The following ZFP14 variants were observed in gnomAD, a reference collection of about 807,000 sequenced individuals.
ZFP14 encodes the protein zinc finger protein 14 homolog.
In ZFP14, 22 loss-of-function variants were observed where a neutral mutation model predicts 54.5. The observed-to-expected ratio is 0.40, with a 90% CI of 0.29 to 0.58. The LOEUF is 0.58. ZFP14 is among the 20% of genes least tolerant of loss of function. The pLI, the probability that ZFP14 is intolerant of heterozygous loss-of-function variation, is 0.39. For missense variants in ZFP14, 470 were observed against 637.8 expected, an observed-to-expected ratio of 0.74 and a Z score of 2.83; for synonymous variants, 159 against 204.0, an observed-to-expected ratio of 0.78 and a Z score of 1.88.
chr19:36,368,399 C>T (rs1292354468), intron 1 of ZFP14, among the ~76,000 whole-genome samples: 6 of 152,054 alleles, frequency 3.9e-5, no homozygotes, highest in East Asian at 3.9e-4. Flanking sequence ...ACCCAGGAGG[C>T]GGAGGTTGCG....
At chr19:36,368,136 C>A (rs2031823669) in intron 1 of ZFP14, among the ~76,000 whole-genome samples, 165 bp from the exon 2 acceptor site, 1 of 152,186 alleles carries the variant, frequency 6.6e-6, no homozygotes, top group Non-Finnish European at 1.5e-5. Context: ...CTATCCTATA[C>A]CCACATATAA....
intron 4 of ZFP14, among the ~76,000 whole-genome samples, chr19:36,347,396 G>A (rs1051898672): frequency 1.3e-5 from 2 of 152,028 alleles, no homozygotes; most frequent in East Asian, 3.9e-4. Context: ...GATTGCTTGA[G>A]GTCAGGAGTT....
chr19:36,372,128 G>A (rs1031539832), intron 1 of ZFP14, among the ~76,000 whole-genome samples: 4 of 150,938 alleles, frequency 2.7e-5, no homozygotes, highest in Admixed American at 2.0e-4. Flanking sequence ...AGGAAGGAAG[G>A]AAGGAAGGAA....
intron 3 of ZFP14, among the ~76,000 whole-genome samples, chr19:36,361,021 T>C (rs2031701191): frequency 6.6e-6 from 1 of 152,198 alleles, no homozygotes; most frequent in South Asian, 2.1e-4. Flanking sequence ...AGCCCAAATA[T>C]ATGGTGATGT....
Position 36,355,775 on chromosome 19 carries a change from C to G in ZFP14, c.235+4660G>C, listed in dbSNP as rs1248285955. On this transcript the variant is annotated intron_variant, in intron 4 of 4. Coordinates refer to ENST00000270001, the MANE Select transcript of ZFP14 (RefSeq NM_020917.3). Reference sequence around the variant, plus strand: ...CAACAAGAAGGCAGCTGCCTGCAAGCCAGGAAGAGAGACTTCACCAGAACC... The same window carrying G: ...CAACAAGAAGGCAGCTGCCTGCAAGGCAGGAAGAGAGACTTCACCAGAACC... Among the ~76,000 whole-genome samples the G allele has an allele frequency of 2.8e-5, 4 of 142,320 alleles. 1 individual carries two copies. The highest frequency in any genetic ancestry group is 4.7e-5 in the Non-Finnish European group (3 of 64,238). 93.4% of individuals were successfully genotyped at this position (142,320 alleles called of 152,430 possible).
At chr19:36,344,117 C>G (rs927395031) in intron 4 of ZFP14, among the ~76,000 whole-genome samples, 26 of 152,192 alleles carry the variant, frequency 1.7e-4, no homozygotes, top group African/African-American at 6.3e-4. Flanking sequence ...ATTCTCCTGC[C>G]TCAACCTCCC....
At chr19:36,367,135 T>TA (rs1441443309) in intron 2 of ZFP14, among the ~76,000 whole-genome samples, 2 of 149,480 alleles carry the variant, frequency 1.3e-5, no homozygotes, top group Admixed American at 1.3e-4. Flanking sequence ...GCCTGGGTGA[T>TA]AAGAGTGAAA....
At chr19:36,347,259 T>C (rs2145544048) in intron 4 of ZFP14, among the ~76,000 whole-genome samples, 1 of 152,222 alleles carries the variant, frequency 6.6e-6, no homozygotes, top group East Asian at 1.9e-4. Flanking sequence ...ACAGAATATT[T>C]TGAAAATTAT....
At chr19:36,368,209 C>T (rs1315650927) in intron 1 of ZFP14, among the ~76,000 whole-genome samples, 2 of 152,162 alleles carry the variant, frequency 1.3e-5, no homozygotes, top group East Asian at 3.8e-4. Context: ...TGGCTCTCGC[C>T]TGTAATCTCA....
intron 3 of ZFP14, among the ~76,000 whole-genome samples, chr19:36,361,755 T>C (rs1218829833): frequency 6.6e-6 from 1 of 152,226 alleles, no homozygotes; most frequent in Non-Finnish European, 1.5e-5. Flanking sequence ...ACAGATTCCT[T>C]TGATTTTTAG....
intron 1 of ZFP14, 182 bp downstream of exon 1, chr19:36,378,981 A>G (rs1480075910): frequency 6.6e-6 from 1 of 152,252 alleles, no homozygotes; most frequent in Non-Finnish European, 1.5e-5. Context: ...TCTAACTCGG[A>G]GCCATTCCGG....
chr19:36,353,519 T>C (rs1258965835), intron 4 of ZFP14, among the ~76,000 whole-genome samples: 1 of 139,858 alleles, frequency 7.2e-6, no homozygotes. Flanking sequence ...ACCAACACAC[T>C]GAAACCCCAT....
In ZFP14 at chr19:36,352,329, C is replaced by A. The variant is rs2031541662; in HGVS notation, c.235+8106G>T. 1.4e-5 allele frequency among the ~76,000 whole-genome samples: 2 copies of A among 142,882 alleles called. 1 individual carries two copies. The highest frequency in any genetic ancestry group is 3.1e-5 in the Non-Finnish European group (2 of 64,470). 93.7% of individuals were successfully genotyped at this position (142,882 alleles called of 152,430 possible). ...GAAAAATAAATGTATGTATAATGAT[C>A]ATGTTATAAAAGGAAAAACTAGAAT... On this transcript the variant is annotated intron_variant, in intron 4 of 4. Coordinates refer to ENST00000270001, the MANE Select transcript of ZFP14 (RefSeq NM_020917.3).
intron 4 of ZFP14, among the ~76,000 whole-genome samples, chr19:36,348,838 C>T (rs1411402161): frequency 6.6e-6 from 1 of 152,068 alleles, no homozygotes; most frequent in African/African-American, 2.4e-5. Flanking sequence ...GGGTTCCTCC[C>T]CAAGAGATCC....
intron 1 of ZFP14, among the ~76,000 whole-genome samples, chr19:36,374,692 T>TA (rs1287460976): frequency 6.6e-5 from 10 of 151,800 alleles, no homozygotes; most frequent in Admixed American, 6.6e-4. Context: ...GCCAGTGTGT[T>TA]AAAAAAAGAA....
chr19:36,334,710 A>T lies in ZFP14; in HGVS notation c.*5514T>A, dbSNP rs924558294. The T allele has an allele frequency of 4.6e-5, 7 of 152,198 alleles. No individual in the cohort carries two copies. The highest frequency in any genetic ancestry group is 3.9e-4 in the Admixed American group (6 of 15,284). The allele number at this position is 152,198 out of a possible 1,614,324, so 9.4% of individuals were successfully genotyped here. A position where few individuals can be genotyped will look rare whatever the true frequency, so the allele number is the denominator to read the frequency against. ...CATATCTAAAATTACACCCTTGAAG[A>T]CATTCATTGTGGTTATGGTAGCATC... On this transcript the variant is annotated 3_prime_UTR_variant, in exon 5 of 5. Transcript: ENST00000270001.
At chr19:36,366,903 T>C (rs1255487358) in intron 2 of ZFP14, among the ~76,000 whole-genome samples, 1 of 152,108 alleles carries the variant, frequency 6.6e-6, no homozygotes, top group African/African-American at 2.4e-5. Context: ...CCTGTAATCT[T>C]AGCACTCTGG....
chr19:36,354,366 A>G (rs11881715), intron 4 of ZFP14, among the ~76,000 whole-genome samples: 71,710 of 122,978 alleles, frequency 0.58, 24,789 homozygotes, highest in African/African-American at 0.69. Context: ...GAGAGATTCC[A>G]TCTCAAAAAA....
rs751434436 is a variant in ZFP14 at position 36,340,129 on chromosome 19, T to C, written c.*95A>G. ...AACATATTCTTTCTCTAATATAAAA[T>C]TTATTATGCTTGGAATTGAGCATGA... On this transcript the variant is annotated 3_prime_UTR_variant, in exon 5 of 5. Transcript: ENST00000270001. The surrounding 1 kb of genome is among the most constrained non-coding windows in gnomAD (Gnocchi z 5.4). 420 of 1,282,942 alleles carry C rather than the reference T, an allele frequency of 3.3e-4. No individual in the cohort carries two copies. The highest frequency in any genetic ancestry group is 4.2e-4 in the Non-Finnish European group (402 of 967,102). 79.5% of individuals were successfully genotyped at this position (1,282,942 alleles called of 1,614,324 possible). A position where few individuals can be genotyped will look rare whatever the true frequency, so the allele number is the denominator to read the frequency against.
Sources: allele counts gnomAD v4.1 joint callset (sites outside exome capture counted in the v4.1 genomes callset), GRCh38; gene constraint gnomAD v4.1.1; non-coding constraint Gnocchi (gnomAD v3.1); transcripts MANE v1.5; gene names NCBI Gene and HGNC (gene_info 2026-07-23, HGNC 2026-07-21).